Variants in SLC28A1 observed in about 807,000 individuals in gnomAD.
The protein encoded by SLC28A1 is sodium/nucleoside cotransporter 1.
In SLC28A1, 64 loss-of-function variants were observed where a neutral mutation model predicts 74.8. The ratio of observed to expected loss-of-function variants is 0.86; its 90% CI spans 0.70 to 1.05. The LOEUF (loss-of-function observed/expected upper bound fraction) is 1.05. Ranked by LOEUF, SLC28A1 falls within the 50% of genes least tolerant of loss-of-function variation. SLC28A1 has a pLI of 0.00. For missense variants in SLC28A1, 828 were observed against 822.8 expected (o/e 1.01, Z -0.08); for synonymous variants, 359 against 335.0 (o/e 1.07, Z -0.78).
At chr15:84,895,173 G>C in intron 6 of SLC28A1, 50 bp downstream of exon 6, 1 of 1,605,674 alleles carries the variant, frequency 6.2e-7, no homozygotes, top group Non-Finnish European at 8.5e-7. Flanking sequence ...CCCATGAGCT[G>C]AGGGGTTGGC....
At position 84,889,776 on chromosome 15, in the gene SLC28A1, CTCTT is replaced by C. The variant is rs1192660493; in HGVS notation, c.186-666_186-663del. On this transcript the variant is annotated intron_variant, in intron 4 of 18. Coordinates refer to ENST00000394573, the MANE Select transcript of SLC28A1 (RefSeq NM_004213.5). ...TCCTTCCTTCCTTCCTTTTCTTTCT[CTCTT>C]CCTTCCTTCTTTCTTTTCTTTTTTC... 1.2e-4 allele frequency among the ~76,000 whole-genome samples: 14 copies of C among 121,026 alleles called. No homozygotes were observed. The East Asian group carries it at 3.5e-3, about 31-fold the overall frequency. The allele number at this position is 121,026 out of a possible 152,430, so 79.4% of individuals were successfully genotyped here.
At chr15:84,961,662 G>A in the SLC28A1 span, 6 of 350,654 alleles carry the variant, frequency 1.7e-5, no homozygotes, top group East Asian at 8.6e-5. Flanking sequence ...CTTGATGGTC[G>A]TAAGACACTA....
chr15:84,896,964 G>C (rs190791415), intron 6 of SLC28A1, among the ~76,000 whole-genome samples: 1 of 152,164 alleles, frequency 6.6e-6, no homozygotes, highest in Non-Finnish European at 1.5e-5. Context: ...CTGCTAGGGC[G>C]GATGGGAAGA....
chr15:84,965,762 A>G, the SLC28A1 span, among the ~76,000 whole-genome samples: 1 of 152,142 alleles, frequency 6.6e-6, no homozygotes, highest in African/African-American at 2.4e-5. Context: ...GCAAGCCAGG[A>G]TAGTTGGTCA....
the SLC28A1 span, among the ~76,000 whole-genome samples, chr15:84,968,754 A>G: frequency 3.3e-5 from 5 of 152,236 alleles, no homozygotes; most frequent in Non-Finnish European, 7.3e-5. Context: ...AAGTGATGTA[A>G]GAAGTCCTGC....
intron 9 of SLC28A1, 25 bp downstream of exon 9, chr15:84,908,820 G>A (rs372800533): frequency 1.2e-6 from 2 of 1,601,738 alleles, no homozygotes; most frequent in African/African-American, 1.3e-5. Context: ...GGGTCCCAGA[G>A]GCCTTTAGCA....
intron 6 of SLC28A1, chr15:84,895,963 C>T (rs1965961013): frequency 1.5e-5 from 15 of 975,888 alleles, no homozygotes; most frequent in African/African-American, 5.3e-5. Flanking sequence ...TGTGGATGAA[C>T]ACATTTAAAA....
At chr15:84,949,342 G>T (rs1157124966), downstream of SLC28A1, among the ~76,000 whole-genome samples, 1 of 152,302 alleles carries the variant, frequency 6.6e-6, no homozygotes, top group African/African-American at 2.4e-5. Context: ...ATGGTCTTAG[G>T]AGGATATTTG....
chr15:84,906,353 G>C (rs533294898), intron 8 of SLC28A1, among the ~76,000 whole-genome samples: 1 of 151,724 alleles, frequency 6.6e-6, no homozygotes, highest in African/African-American at 2.4e-5. Flanking sequence ...GTCTTGCTTT[G>C]ACATCCAGGC....
At chr15:84,895,213 A>G (rs1965851976) in intron 6 of SLC28A1, 90 bp downstream of exon 6, 1 of 1,582,966 alleles carries the variant, frequency 6.3e-7, no homozygotes, top group Non-Finnish European at 8.6e-7. Flanking sequence ...CTGGAGGAGG[A>G]GGAAGGCTCT....
chr15:84,965,312 A>G, the SLC28A1 span, among the ~76,000 whole-genome samples: 1 of 152,190 alleles, frequency 6.6e-6, no homozygotes, highest in Non-Finnish European at 1.5e-5. Flanking sequence ...AGCCCTGCAG[A>G]ACTGTGAGTC....
At chr15:84,908,331 C>T (rs891618786) in intron 8 of SLC28A1, among the ~76,000 whole-genome samples, 1 of 151,706 alleles carries the variant, frequency 6.6e-6, no homozygotes. Flanking sequence ...TTACAGGTGC[C>T]CACCACCATG....
At chr15:84,885,200 C>G (rs185399404) in intron 1 of SLC28A1, among the ~76,000 whole-genome samples, 104 of 150,806 alleles carry the variant, frequency 6.9e-4, no homozygotes, top group African/African-American at 2.4e-3. Context: ...TTCAAGTGAT[C>G]TGCCCACCTT....
chr15:84,931,353 A>ATTG (rs1206473719), intron 12 of SLC28A1, among the ~76,000 whole-genome samples: 2 of 151,540 alleles, frequency 1.3e-5, no homozygotes, highest in Admixed American at 1.3e-4. Flanking sequence ...TAAAAAAAAT[A>ATTG]TTGTTGTGGA....
At chr15:84,967,612 A>G in the SLC28A1 span, among the ~76,000 whole-genome samples, 1 of 152,214 alleles carries the variant, frequency 6.6e-6, no homozygotes, top group Admixed American at 6.5e-5. Context: ...GCATCAGCCT[A>G]AATCCCTAGG....
At position 84,920,972 on chromosome 15, in the gene SLC28A1, A is replaced by T. The variant is rs760338914; in HGVS notation, c.877-17A>T. ...TTGCTGATGTCAGCCCACAAAGAAC[A>T]TTCTGCTTCCTTCTAGATTGCCTGG... is the stretch of plus-strand genomic sequence containing the variant. On this transcript the variant is annotated splice_polypyrimidine_tract_variant and intron_variant, in intron 10 of 18. Transcript: ENST00000394573. 6.2e-7 allele frequency: 1 copy of T among 1,609,226 alleles called. No homozygotes were observed. Among genetic ancestry groups the T allele is most frequent in the South Asian group, 1.1e-5 (1 of 90,994 alleles).
rs868854855 is a variant in SLC28A1, at chr15:84,935,120, G to A, written c.1309G>A (p.Ala437Thr). Residue 437 changes from alanine (A) to threonine (T), a missense_variant, in exon 14 of 19, where the codon GCT (alanine) becomes ACT (threonine). Physicochemically the swap from Ala to Thr is moderately conservative, Grantham distance 58 (BLOSUM62 0). This residue lies in a region of SLC28A1 where 767 missense variants were observed against 753.5 expected (regional missense o/e 1.02). Coordinates refer to ENST00000394573, the MANE Select transcript of SLC28A1 (RefSeq NM_004213.5). ...CGCTGCCAACCTGATTGCGTTCCTG[G>A]CTGTGCTGGACTTTATCAATGCTGC... ...NIAANLIAFL[A>T]VLDFINAALS... The A allele has an allele frequency of 6.2e-7, 1 of 1,614,152 alleles. No homozygotes were observed. The highest frequency in any genetic ancestry group is 8.5e-7 in the Non-Finnish European group (1 of 1,179,996).
chr15:84,907,774 C>G (rs1967456486), intron 8 of SLC28A1, among the ~76,000 whole-genome samples: 2 of 152,206 alleles, frequency 1.3e-5, no homozygotes, highest in African/African-American at 4.8e-5. Flanking sequence ...GTTCCCTGTG[C>G]TCTGTGCAGG....
chr15:84,925,345 C>T (rs1970388402), intron 12 of SLC28A1, among the ~76,000 whole-genome samples: 1 of 152,004 alleles, frequency 6.6e-6, no homozygotes, highest in African/African-American at 2.4e-5. Flanking sequence ...CCTGCTGAAT[C>T]AGAAACGATG....
Sources: allele counts gnomAD v4.1 joint callset (sites outside exome capture counted in the v4.1 genomes callset), GRCh38; gene constraint gnomAD v4.1.1; regional missense constraint gnomAD v4.1.1; transcripts MANE v1.5; gene names NCBI Gene and HGNC (gene_info 2026-07-23, HGNC 2026-07-21).